The following NYAP2 variants were observed in gnomAD, a reference collection of about 807,000 sequenced individuals.
NYAP2 encodes neuronal tyrosine-phosphorylated phosphoinositide-3-kinase adaptor 2, also known as neuronal tyrosine-phosphorylated phosphoinositide-3-kinase adapter 2.
A neutral mutation model predicts 50.4 loss-of-function variants in NYAP2; 23 were observed. That is an observed-to-expected ratio of 0.46 (90% CI 0.33 to 0.65). The LOEUF (loss-of-function observed/expected upper bound fraction) is 0.65. Among genes scored for constraint, NYAP2 ranks in the 30% least tolerant of loss-of-function variants. The probability of loss-of-function intolerance (pLI) is 0.02; values close to 1 mark genes in which losing one functional copy is unlikely to be tolerated. For missense variants in NYAP2, 885 were observed against 861.0 expected, an observed-to-expected ratio of 1.03 and a Z score of -0.35; for synonymous variants, 394 against 365.2, an observed-to-expected ratio of 1.08 and a Z score of -0.90.
At chr2:225,461,615 A>G (rs1378156360) in intron 3 of NYAP2, among the ~76,000 whole-genome samples, 1 of 152,178 alleles carries the variant, frequency 6.6e-6, no homozygotes, top group African/African-American at 2.4e-5. Context: ...CATAGCTTGT[A>G]CCATATTTTA....
intron 4 of NYAP2, among the ~76,000 whole-genome samples, chr2:225,575,062 A>G (rs1190754118): frequency 6.6e-6 from 1 of 152,138 alleles, no homozygotes; most frequent in Non-Finnish European, 1.5e-5. Flanking sequence ...TACATAGCTA[A>G]AACAGACCAA....
intron 4 of NYAP2, among the ~76,000 whole-genome samples, chr2:225,517,506 T>C (rs1473329005): frequency 1.3e-5 from 2 of 152,200 alleles, no homozygotes; most frequent in East Asian, 1.9e-4. Flanking sequence ...CAGGCAAACA[T>C]TGACTTTAGG....
At chr2:225,459,936 T>A (rs1689799771) in intron 3 of NYAP2, among the ~76,000 whole-genome samples, 1 of 152,166 alleles carries the variant, frequency 6.6e-6, no homozygotes, top group Admixed American at 6.5e-5. Flanking sequence ...CCTCCCAAAG[T>A]TCTGGGATTA....
At chr2:225,490,082 T>TGAACTGTCTTTGACAAGTC (rs1453393363) in intron 3 of NYAP2, among the ~76,000 whole-genome samples, 6 of 152,214 alleles carry the variant, frequency 3.9e-5, no homozygotes, top group African/African-American at 1.4e-4. Flanking sequence ...AGAAACCTCC[T>TGAACTGTCTTTGACAAGTC]GAACTGTCTT....
intron 6 of NYAP2, among the ~76,000 whole-genome samples, chr2:225,645,038 T>A (rs1406354227): frequency 6.6e-6 from 1 of 152,216 alleles, no homozygotes; most frequent in East Asian, 1.9e-4. Context: ...GGTGGGCAGA[T>A]CATCTGAGAT....
At chr2:225,511,247 C>A (rs775025571) in intron 3 of NYAP2, among the ~76,000 whole-genome samples, 1 of 151,440 alleles carries the variant, frequency 6.6e-6, no homozygotes, top group Non-Finnish European at 1.5e-5. Context: ...ACTATCCCAT[C>A]CTTTCTCATA....
intron 6 of NYAP2, among the ~76,000 whole-genome samples, chr2:225,643,296 C>G (rs1271975061): frequency 6.6e-6 from 1 of 151,986 alleles, no homozygotes; most frequent in Non-Finnish European, 1.5e-5. Context: ...TTCCCAAATC[C>G]CTTGAAATTT....
chr2:225,575,390 A>G (rs1692153731), intron 4 of NYAP2, among the ~76,000 whole-genome samples: 1 of 152,318 alleles, frequency 6.6e-6, no homozygotes, highest in Admixed American at 6.5e-5. Flanking sequence ...TAGAGATGTA[A>G]AAAGCAATGA....
intron 3 of NYAP2, among the ~76,000 whole-genome samples, chr2:225,498,005 A>G (rs1198648577): frequency 2.0e-5 from 3 of 152,134 alleles, no homozygotes; most frequent in African/African-American, 4.8e-5. Context: ...GGTCTTCTAG[A>G]TTTATTCTAC....
chr2:225,480,515 C>T (rs908700215), intron 3 of NYAP2, among the ~76,000 whole-genome samples: 2 of 151,728 alleles, frequency 1.3e-5, no homozygotes, highest in East Asian at 1.9e-4. Flanking sequence ...ATGGACATGC[C>T]GAGGAAGGAA....
chr2:225,617,618 A>C (rs1285277807), intron 5 of NYAP2, among the ~76,000 whole-genome samples: 1 of 152,244 alleles, frequency 6.6e-6, no homozygotes, highest in Non-Finnish European at 1.5e-5. Flanking sequence ...GTGACTGTTC[A>C]TATTTCCAAA....
At chr2:225,701,440 A>G in the NYAP2 span, 2 of 151,792 alleles carry the variant, frequency 1.3e-5, no homozygotes, top group Non-Finnish European at 2.9e-5. Context: ...ATTTTATTGG[A>G]TGTCACAAGA....
At chr2:225,498,809 C>A (rs189742556) in intron 3 of NYAP2, among the ~76,000 whole-genome samples, 5 of 152,162 alleles carry the variant, frequency 3.3e-5, no homozygotes, top group Admixed American at 3.3e-4. Flanking sequence ...CATTTGTTCT[C>A]TGTGACTGAG....
chr2:225,522,430 C>T (rs1028962171), intron 4 of NYAP2, among the ~76,000 whole-genome samples: 1 of 152,062 alleles, frequency 6.6e-6, no homozygotes, highest in African/African-American at 2.4e-5. Flanking sequence ...AATTGGGATA[C>T]CTGCTACAAT....
chr2:225,411,288 G>C (rs993848220), intron 3 of NYAP2, among the ~76,000 whole-genome samples: 2 of 151,994 alleles, frequency 1.3e-5, no homozygotes, highest in Non-Finnish European at 2.9e-5. Flanking sequence ...ATTAATTAGA[G>C]GTGGCCCTCA....
chr2:225,428,288 T>C (rs1021701238), intron 3 of NYAP2, among the ~76,000 whole-genome samples: 4 of 152,198 alleles, frequency 2.6e-5, no homozygotes, highest in South Asian at 2.1e-4. Context: ...TCTTTTTCAA[T>C]ATAGGAATCC....
intron 6 of NYAP2, among the ~76,000 whole-genome samples, chr2:225,646,426 C>T (rs530885340): frequency 2.0e-5 from 3 of 152,310 alleles, no homozygotes; most frequent in East Asian, 3.9e-4. Context: ...TGACGCCTGC[C>T]TGTAATCCCA....
exon 7 of NYAP2, chr2:225,652,466 G>C (rs4627553): frequency 6.6e-6 from 1 of 152,032 alleles, no homozygotes; most frequent in Non-Finnish European, 1.5e-5. Context: ...GTTTGGGTAC[G>C]TGGTTGTGGA....
At chr2:225,660,665 A>G in the NYAP2 span, among the ~76,000 whole-genome samples, 1 of 152,124 alleles carries the variant, frequency 6.6e-6, no homozygotes, top group African/African-American at 2.4e-5. Context: ...TCTGTAGCGC[A>G]CTTTGGAATC....
Sources: gnomAD v4.1 joint callset for allele counts (sites outside exome capture counted in the v4.1 genomes callset) on GRCh38, gnomAD v4.1.1 for gene constraint, MANE v1.5 for transcripts, NCBI Gene and HGNC (gene_info 2026-07-23, HGNC 2026-07-21) for gene names.